SEM1: variants seen among roughly 807,000 people sequenced by gnomAD.
SEM1 encodes the protein SEM1 26S proteasome subunit, also known as 26S proteasome complex subunit SEM1.
Under a neutral mutation model 12.7 loss-of-function variants are expected in SEM1, and 3 were observed. That is an observed-to-expected ratio of 0.24 (90% confidence interval 0.11 to 0.61). SEM1 has a LOEUF of 0.61. SEM1 is among the 20% of genes least tolerant of loss of function. The pLI, the probability that SEM1 is intolerant of heterozygous loss-of-function variation, is 0.88. For synonymous variants in SEM1, 30 were observed against 27.8 expected (o/e 1.08, Z -0.25); for missense variants, 59 against 81.3 (o/e 0.73, Z 1.06).
chr7:96,654,622 G>A (rs554393330), intron 2 of SEM1, among the ~76,000 whole-genome samples: 1 of 152,312 alleles, frequency 6.6e-6, no homozygotes, highest in South Asian at 2.1e-4. Context: ...TTGCCCATCT[G>A]TAGGCTAATA....
chr7:96,686,968 G>A (rs1584863160), downstream of SEM1, among the ~76,000 whole-genome samples: 1 of 152,238 alleles, frequency 6.6e-6, no homozygotes, highest in Non-Finnish European at 1.5e-5. Context: ...ATCAAAAAGT[G>A]GGTGAAGGAT....
intron 2 of SEM1, among the ~76,000 whole-genome samples, chr7:96,572,422 C>A (rs146449354): frequency 6.6e-6 from 1 of 152,040 alleles, no homozygotes; most frequent in African/African-American, 2.4e-5. Flanking sequence ...TGGCATCTAG[C>A]GCTATAAATT....
intron 2 of SEM1, among the ~76,000 whole-genome samples, chr7:96,682,604 C>T (rs974992072): frequency 5.3e-5 from 8 of 151,940 alleles, no homozygotes; most frequent in Non-Finnish European, 1.2e-4. Context: ...ATTCAGGACA[C>T]AGGCATGAAC....
intron 1 of SEM1, among the ~76,000 whole-genome samples, chr7:96,492,780 TG>T (rs1803072241): frequency 6.6e-6 from 1 of 151,410 alleles, no homozygotes; most frequent in African/African-American, 2.4e-5. Flanking sequence ...TGTGTGTGTG[TG>T]TGTGTGTGTT....
chr7:96,622,158 T>C (rs1807914232), downstream of SEM1: 1 of 155,334 alleles, frequency 6.4e-6, no homozygotes, highest in Non-Finnish European at 1.4e-5. Context: ...TGTTTCCTTA[T>C]CTTTATGAGA....
At chr7:96,661,911 C>T (rs941635154) in intron 2 of SEM1, among the ~76,000 whole-genome samples, 1 of 150,872 alleles carries the variant, frequency 6.6e-6, no homozygotes, top group African/African-American at 2.4e-5. Context: ...TGGCTTGAAC[C>T]CGGGAGGTAG....
upstream of SEM1, among the ~76,000 whole-genome samples, chr7:96,497,358 C>T (rs1451457468): frequency 6.6e-6 from 1 of 152,044 alleles, no homozygotes; most frequent in East Asian, 1.9e-4. Context: ...AACTTCCTAA[C>T]TTGTGGCTTT....
chr7:96,529,747 C>G (rs1804585428), intron 2 of SEM1, among the ~76,000 whole-genome samples: 2 of 152,134 alleles, frequency 1.3e-5, no homozygotes, highest in Admixed American at 1.3e-4. Context: ...CTCACCTCAG[C>G]AATCGTTGGG....
intron 3 of SEM1, among the ~76,000 whole-genome samples, chr7:96,506,464 T>C (rs1334482590): frequency 6.6e-6 from 1 of 152,182 alleles, no homozygotes; most frequent in Admixed American, 6.6e-5. Flanking sequence ...AAATTTTATA[T>C]GATCATTATA....
intron 2 of SEM1, among the ~76,000 whole-genome samples, chr7:96,668,171 AC>A (rs1311402489): frequency 2.0e-5 from 3 of 152,246 alleles, no homozygotes; most frequent in African/African-American, 7.2e-5. Context: ...TTTTGTGCAT[AC>A]ATAGTAGGTG....
At chr7:96,527,062 C>G (rs1275296717) in intron 2 of SEM1, among the ~76,000 whole-genome samples, 1 of 151,862 alleles carries the variant, frequency 6.6e-6, no homozygotes, top group Non-Finnish European at 1.5e-5. Flanking sequence ...CGTATTTCCT[C>G]GTATGTGCAC....
chr7:96,567,612 C>G (rs1452545382), intron 2 of SEM1, among the ~76,000 whole-genome samples: 2 of 151,446 alleles, frequency 1.3e-5, no homozygotes, highest in Admixed American at 6.6e-5. Context: ...AGTTTCACCA[C>G]TCAGCACAAT....
intron 2 of SEM1, among the ~76,000 whole-genome samples, chr7:96,604,196 G>T (rs1807275809): frequency 6.6e-6 from 1 of 152,144 alleles, no homozygotes; most frequent in South Asian, 2.1e-4. Context: ...CCAGCAGTAG[G>T]AGCCACCAGC....
At chr7:96,593,771 A>G (rs1348304930) in intron 2 of SEM1, among the ~76,000 whole-genome samples, 1 of 152,226 alleles carries the variant, frequency 6.6e-6, no homozygotes, top group East Asian at 1.9e-4. Flanking sequence ...CGTTAGGAAA[A>G]AGAATGACTG....
At chr7:96,563,529 G>C (rs1805756374) in intron 2 of SEM1, among the ~76,000 whole-genome samples, 1 of 151,948 alleles carries the variant, frequency 6.6e-6, no homozygotes, top group Admixed American at 6.6e-5. Flanking sequence ...AAGTACATGG[G>C]AATACAAAAA....
chr7:96,663,496 C>G (rs2116535716), intron 2 of SEM1, among the ~76,000 whole-genome samples: 2 of 152,188 alleles, frequency 1.3e-5, no homozygotes, highest in East Asian at 3.9e-4. Context: ...GGGCCTGACA[C>G]CTAGGAAAAG....
chr7:96,526,752 G>C (rs1315360834), intron 2 of SEM1, among the ~76,000 whole-genome samples: 2 of 152,054 alleles, frequency 1.3e-5, no homozygotes, highest in African/African-American at 4.8e-5. Flanking sequence ...CCTTTCAGAG[G>C]GTGGCTTTGT....
chr7:96,588,971 A>C (rs1031344539), intron 2 of SEM1, among the ~76,000 whole-genome samples: 1 of 152,236 alleles, frequency 6.6e-6, no homozygotes, highest in African/African-American at 2.4e-5. Context: ...CATAAGGAGA[A>C]AATGCATTCA....
chr7:96,496,970 G>A (rs951216711), upstream of SEM1, among the ~76,000 whole-genome samples: 5 of 151,230 alleles, frequency 3.3e-5, no homozygotes, highest in Admixed American at 2.6e-4. Context: ...TATTCTTCCT[G>A]GGTCTCCTAT....
Sources: allele counts gnomAD v4.1 joint callset (sites outside exome capture counted in the v4.1 genomes callset), GRCh38; gene constraint gnomAD v4.1.1; transcripts MANE v1.5; gene names NCBI Gene and HGNC (gene_info 2026-07-23, HGNC 2026-07-21).